ZNF638: variants seen among roughly 807,000 people sequenced by gnomAD.
The protein encoded by ZNF638 is CTCL tumor antigen se33-1.
A neutral mutation model predicts 195.6 loss-of-function variants in ZNF638; 46 were observed. The observed-to-expected ratio is 0.24, with a 90% CI of 0.19 to 0.30. ZNF638 has a LOEUF of 0.30. Among genes scored for constraint, ZNF638 ranks in the 10% least tolerant of loss-of-function variants. The pLI, the probability that ZNF638 is intolerant of heterozygous loss-of-function variation, is 1.00. For synonymous variants in ZNF638, 845 were observed against 772.0 expected (o/e 1.09, Z -1.57); for missense variants, 2,440 against 2,325.3 (o/e 1.05, Z -1.01).
rs1417961297 is a variant in ZNF638, at chr2:71,363,201, A to T, written c.1418+10A>T. The T allele has an allele frequency of 4.5e-6, 7 of 1,560,220 alleles. No individual in the cohort carries two copies. Among genetic ancestry groups the T allele is most frequent in the African/African-American group, 4.1e-5 (3 of 72,430 alleles). On this transcript the variant is annotated intron_variant, in intron 4 of 27. Transcript: ENST00000264447. ...TCCTCCCATCGAGAAGGTAATTTTT[A>T]AAAATAGTAATATTATTAAAACCTG...
At chr2:71,336,855 C>T (rs1256645220) in intron 1 of ZNF638, among the ~76,000 whole-genome samples, 1 of 152,168 alleles carries the variant, frequency 6.6e-6, no homozygotes, top group Non-Finnish European at 1.5e-5. Context: ...TGCTGCACTA[C>T]CTCTCTAAAG....
At chr2:71,353,878 A>C (rs2078981456) in intron 2 of ZNF638, among the ~76,000 whole-genome samples, 6 of 152,244 alleles carry the variant, frequency 3.9e-5, no homozygotes, top group Admixed American at 3.3e-4. Context: ...GTGTCCAATT[A>C]ATATTAAAAA....
intron 15 of ZNF638, 75 bp downstream of exon 15, chr2:71,400,593 G>A: frequency 1.5e-6 from 2 of 1,306,410 alleles, no homozygotes; most frequent in Non-Finnish European, 2.1e-6. Flanking sequence ...TATAAACCCA[G>A]GTAAAAAATT....
rs543070538 is a variant in ZNF638 at position 71,335,522 on chromosome 2, T to A, written c.-203+3647T>A. On this transcript the variant is annotated intron_variant, in intron 1 of 27. Coordinates refer to ENST00000264447, the MANE Select transcript of ZNF638 (RefSeq NM_014497.5). ...CTGCTGAGTTAAAGTTGCCAACTTTTGTTTTAAATATTTTTACCAAAAAAA... is the reference window on the plus strand; with the variant it reads ...CTGCTGAGTTAAAGTTGCCAACTTTAGTTTTAAATATTTTTACCAAAAAAA... Among the ~76,000 whole-genome samples, 3 of 152,296 alleles carry A rather than the reference T, an allele frequency of 2.0e-5. No homozygotes were observed. The South Asian group carries it at 6.2e-4, about 32-fold the overall frequency.
rs752226072 is a variant in ZNF638, at chr2:71,422,912, C to A, written c.3398C>A (p.Pro1133His). 6.2e-7 allele frequency: 1 copy of A among 1,613,914 alleles called. No homozygotes were observed. Among genetic ancestry groups the A allele is most frequent in the African/African-American group, 1.3e-5 (1 of 74,916 alleles). Reference sequence around the variant, plus strand: ...AATGAGCTTGAAGAAGAAAGTACTCCCAGCATTCAAACAGAAACTTTGGTA... The same window carrying A: ...AATGAGCTTGAAGAAGAAAGTACTCACAGCATTCAAACAGAAACTTTGGTA... Reference protein sequence around the residue: ...KPNELEEESTPSIQTETLVQQ... With the variant: ...KPNELEEESTHSIQTETLVQQ... The change falls in exon 22 of 28, where the codon CCC (proline) becomes CAC (histidine). Residue 1133 changes from proline (P) to histidine (H), a missense_variant. Pro to His is a moderately conservative substitution (Grantham distance 77). Coordinates refer to ENST00000264447, the MANE Select transcript of ZNF638 (RefSeq NM_014497.5).
intron 20 of ZNF638, among the ~76,000 whole-genome samples, chr2:71,417,433 T>C (rs917000090): frequency 1.3e-5 from 2 of 152,040 alleles, no homozygotes; most frequent in African/African-American, 4.8e-5. Flanking sequence ...AAATCACCCG[T>C]CTTCTGCGTC....
chr2:71,389,189 G>A (rs1439697719), intron 10 of ZNF638, among the ~76,000 whole-genome samples: 3 of 152,032 alleles, frequency 2.0e-5, no homozygotes, highest in Non-Finnish European at 1.5e-5. Context: ...TTTTCCCTGA[G>A]CCCCCTCCCC....
chr2:71,369,979 T>C lies in ZNF638; in HGVS notation c.2239T>C (p.Cys747Arg). 3 of 1,598,380 alleles carry C rather than the reference T, an allele frequency of 1.9e-6. No homozygotes were observed. The highest frequency in any genetic ancestry group is 1.7e-6 in the Non-Finnish European group (2 of 1,175,680). Residue 747 changes from cysteine to arginine, a missense_variant, in exon 8 of 28, where the codon TGT becomes CGT. Around this residue, in one of 5 missense-constraint regions of ZNF638, gnomAD observed 1,883 missense variants for 1,739.1 expected, o/e 1.08. Coordinates refer to ENST00000264447, the MANE Select transcript of ZNF638 (RefSeq NM_014497.5). ...GATAAAAGGAAAAAGTGTGAAAATA[T>C]GTGTTCCAGGAAAGAAAAAAGCACA... ...LTIKGKSVKICVPGKKKAQNK... is the reference protein window; with the variant it reads ...LTIKGKSVKIRVPGKKKAQNK...
At chr2:71,333,179 T>C (rs1368126941) in intron 1 of ZNF638, 5 of 152,244 alleles carry the variant, frequency 3.3e-5, no homozygotes, top group East Asian at 1.9e-4. Flanking sequence ...AGTGGACTTA[T>C]GTTGCTGTCT....
At chr2:71,400,574 T>C (rs773792770) in intron 15 of ZNF638, 56 bp downstream of exon 15, 180 of 1,455,014 alleles carry the variant, frequency 1.2e-4, no homozygotes, top group Non-Finnish European at 1.6e-4. Flanking sequence ...TAACAAAAGA[T>C]ATTTTTCTTA....
rs377514062 is a variant in ZNF638 at position 71,392,081 on chromosome 2, G to T, written c.2378-4060G>T. Among the ~76,000 whole-genome samples the T allele has an allele frequency of 3.9e-5, 6 of 152,194 alleles. No individual in the cohort carries two copies. In the South Asian group the frequency reaches 8.3e-4, roughly 21 times the overall value. On this transcript the variant is annotated intron_variant, in intron 10 of 27. Transcript: ENST00000264447. Reference sequence around the variant, plus strand: ...ATGGGCTGCAGACGATGCAATCTGTGGCTGGGTTATGACCCTGAATGTCAT... The same window carrying T: ...ATGGGCTGCAGACGATGCAATCTGTTGCTGGGTTATGACCCTGAATGTCAT...
chr2:71,349,776 C>A lies in ZNF638; in HGVS notation c.822C>A (p.Phe274Leu). Residue 274 changes from phenylalanine (F) to leucine (L), a missense_variant, in exon 2 of 28, where the codon TTC becomes TTA. Transcript: ENST00000264447. ...AAGACGTATTTCGCCAAATGGACTT[C>A]CCCGGTGAGTCCTCCAATAATCGGT... ...PVEDVFRQMD[F>L]PGESSNNRSF... 1.2e-6 allele frequency: 2 copies of A among 1,614,170 alleles called. No individual in the cohort carries two copies. Among genetic ancestry groups the A allele is most frequent in the Non-Finnish European group, 1.7e-6 (2 of 1,180,034 alleles).
Position 71,435,039 on chromosome 2 carries a change from C to T in ZNF638, c.*232C>T. 2.7e-6 allele frequency: 1 copy of T among 376,358 alleles called. No homozygotes were observed. The highest frequency in any genetic ancestry group is 2.1e-5 in the African/African-American group (1 of 47,130). 23.3% of individuals were successfully genotyped at this position (376,358 alleles called of 1,614,324 possible). On this transcript the variant is annotated 3_prime_UTR_variant, in exon 28 of 28. Coordinates refer to ENST00000264447, the MANE Select transcript of ZNF638 (RefSeq NM_014497.5). The stretch of plus-strand genomic sequence containing the variant: ...TTTTAGAAGTGTTAAAATAAATGTT[C>T]CTACTGTATATTTAAAATACCATCT...
chr2:71,408,395 T>G (rs1314996656), intron 20 of ZNF638, 148 bp downstream of exon 20: 4 of 1,016,984 alleles, frequency 3.9e-6, no homozygotes, highest in Admixed American at 6.7e-5. Flanking sequence ...TCATAGTTTA[T>G]AAAGCAGTAT....
At chr2:71,332,612 T>C (rs934256506) in intron 1 of ZNF638, among the ~76,000 whole-genome samples, 1 of 152,192 alleles carries the variant, frequency 6.6e-6, no homozygotes, top group Non-Finnish European at 1.5e-5. Context: ...CGTTAGTGAA[T>C]TGTTTTTGTG....
At chr2:71,388,880 G>C (rs2079708056) in intron 10 of ZNF638, among the ~76,000 whole-genome samples, 1 of 152,192 alleles carries the variant, frequency 6.6e-6, no homozygotes, top group Non-Finnish European at 1.5e-5. Context: ...CACAGGCTCA[G>C]TTAAGGGTCC....
At chr2:71,410,973 A>AC (rs1558876322) in intron 20 of ZNF638, among the ~76,000 whole-genome samples, 41 of 49,594 alleles carry the variant, frequency 8.3e-4, no homozygotes, top group African/African-American at 1.1e-3. Flanking sequence ...TTTTCTCCCC[A>AC]CCCACCACCT....
In ZNF638 at chr2:71,408,290, C is replaced by T. The variant is rs769266030; in HGVS notation, c.3261+43C>T. 1.1e-5 allele frequency: 17 copies of T among 1,594,818 alleles called. No individual in the cohort carries two copies. The South Asian group carries it at 1.9e-4, about 18-fold the overall frequency. On this transcript the variant is annotated intron_variant, in intron 20 of 27. Coordinates refer to ENST00000264447, the MANE Select transcript of ZNF638 (RefSeq NM_014497.5). ...TCAGCTTTTGTGATTTTAGAAAATA[C>T]AGAGAACATAAAGGTCATTCTCAGG...
At position 71,426,481 on chromosome 2, in the gene ZNF638, T is replaced by A. The variant is rs568244957; in HGVS notation, c.4612T>A (p.Leu1538Met). ...ACAGGAGCCATTATTTCCATTTAAT[T>A]TGGATGAATTTGTTACTGTGGATGA... ...SKEEPLFPFNLDEFVTVDEVI... is the reference protein window; with the variant it reads ...SKEEPLFPFNMDEFVTVDEVI... The change falls in exon 24 of 28, where the codon TTG becomes ATG. Residue 1538 changes from leucine to methionine, a missense_variant. By Grantham distance (15) the Leu-to-Met change is conservative. Transcript: ENST00000264447. The A allele has an allele frequency of 6.4e-7, 1 of 1,572,718 alleles. No homozygotes were observed. The highest frequency in any genetic ancestry group is 8.6e-7 in the Non-Finnish European group (1 of 1,165,140).
Sources: gnomAD v4.1 joint callset for allele counts (sites outside exome capture counted in the v4.1 genomes callset) on GRCh38, gnomAD v4.1.1 for gene constraint, gnomAD v4.1.1 regional missense constraint, MANE v1.5 for transcripts, NCBI Gene and HGNC (gene_info 2026-07-23, HGNC 2026-07-21) for gene names.